HPCAL1: variants seen among roughly 807,000 people sequenced by gnomAD.
The protein encoded by HPCAL1 is hippocalcin like 1.
A neutral mutation model predicts 17.1 loss-of-function variants in HPCAL1; 8 were observed. The observed-to-expected ratio is 0.47, with a 90% confidence interval of 0.27 to 0.84. The LOEUF (loss-of-function observed/expected upper bound fraction) is 0.84, where lower values mean the gene tolerates loss of function less well. HPCAL1 is among the 40% of genes least tolerant of loss of function. The pLI is 0.13. For synonymous variants in HPCAL1, 112 were observed against 111.4 expected (o/e 1.01, Z -0.03); for missense variants, 165 against 271.1 (o/e 0.61, Z 2.75).
At position 10,362,900 on chromosome 2, in the gene HPCAL1, G is replaced by C. The variant is rs1309280517; in HGVS notation, c.-110-33935G>C. Among the ~76,000 whole-genome samples, 1 of 152,200 alleles carries C rather than the reference G, an allele frequency of 6.6e-6. No homozygotes were observed. Among genetic ancestry groups the C allele is most frequent in the Admixed American group, 6.5e-5 (1 of 15,286 alleles). On this transcript the variant is annotated intron_variant, in intron 1 of 4. Transcript: ENST00000307845. The surrounding 1 kb of genome is among the most constrained non-coding windows in gnomAD (Gnocchi z 5.0). ...GAGCAGAGGGGGACCTCAGAGGACA[G>C]TCGGACTGGGGAATCCCTGGCCCAG...
At chr2:10,366,210 T>G (rs1666841576) in intron 1 of HPCAL1, among the ~76,000 whole-genome samples, 1 of 152,122 alleles carries the variant, frequency 6.6e-6, no homozygotes, top group Non-Finnish European at 1.5e-5. Context: ...AGGAGCAAAG[T>G]CTCATAATTT....
chr2:10,345,264 C>A (rs545044370), intron 1 of HPCAL1, among the ~76,000 whole-genome samples: 20 of 152,110 alleles, frequency 1.3e-4, no homozygotes, highest in Non-Finnish European at 2.6e-4. Context: ...ACTAGAGGAA[C>A]CTTTTTCCCA....
rs55678486 is a variant in HPCAL1 at position 10,395,113 on chromosome 2, AACACACACACACACACAC to A, written c.-110-1693_-110-1676del. ...TGTCCAGCCTAAAATCTATCTTTAA[AACACACACACACACACAC>A]ACACACACACACACACACACACACA... On this transcript the variant is annotated intron_variant, in intron 1 of 4. Transcript: ENST00000307845. This position sits in a 1 kb window ranked among gnomAD's most constrained non-coding sequence, Gnocchi z 4.4. 7.7e-4 allele frequency among the ~76,000 whole-genome samples: 107 copies of A among 138,458 alleles called. No homozygotes were observed. The highest frequency in any genetic ancestry group is 8.1e-4 in the Admixed American group (11 of 13,642). The allele number at this position is 138,458 out of a possible 152,430, so 90.8% of individuals were successfully genotyped here.
intron 2 of HPCAL1, among the ~76,000 whole-genome samples, chr2:10,415,553 C>T (rs1670606245): frequency 6.6e-6 from 1 of 152,314 alleles, no homozygotes; most frequent in Middle Eastern, 3.4e-3. Context: ...TGTCGGCCCC[C>T]GAGGCAAGGA....
rs1163240863 is a variant in HPCAL1 at position 10,394,044 on chromosome 2, G to A, written c.-110-2791G>A. Among the ~76,000 whole-genome samples the A allele has an allele frequency of 1.3e-5, 2 of 152,054 alleles. No individual in the cohort carries two copies. The highest frequency in any genetic ancestry group is 2.9e-5 in the Non-Finnish European group (2 of 68,010). On this transcript the variant is annotated intron_variant, in intron 1 of 4. Coordinates refer to ENST00000307845, the MANE Select transcript of HPCAL1 (RefSeq NM_002149.4). The surrounding 1 kb of genome is among the most constrained non-coding windows in gnomAD (Gnocchi z 5.0). ...GCTGGAGGATTGCTTGAGCCTGGGA[G>A]GTTGAGGCTGCAGTGAGCTTTGATT... is the stretch of plus-strand genomic sequence containing the variant.
chr2:10,360,042 G>C (rs1666425531), intron 1 of HPCAL1, among the ~76,000 whole-genome samples: 1 of 152,130 alleles, frequency 6.6e-6, no homozygotes, highest in African/African-American at 2.4e-5. Context: ...CCCAGCACGG[G>C]CTCCTGGCGC....
intron 1 of HPCAL1, among the ~76,000 whole-genome samples, chr2:10,321,448 T>C (rs1452504847): frequency 6.6e-6 from 1 of 152,044 alleles, no homozygotes. Context: ...GTTGTTGTTG[T>C]TGTTGTTTTA....
Position 10,310,865 on chromosome 2 carries a change from T to TTAAACA in HPCAL1, c.-111+7688_-111+7689insTAAACA, listed in dbSNP as rs1662912702. Among the ~76,000 whole-genome samples the TTAAACA allele has an allele frequency of 6.6e-6, 1 of 152,186 alleles. No individual in the cohort carries two copies. The highest frequency in any genetic ancestry group is 6.5e-5 in the Admixed American group (1 of 15,282). ...TGCTCAGCTCTCTGCCTTCTTTCTG[T>TTAAACA]GCATTTAACAGACGTTTCCAGAAAG... On this transcript the variant is annotated intron_variant, in intron 1 of 4. Transcript: ENST00000307845. This position sits in a 1 kb window ranked among gnomAD's most constrained non-coding sequence, Gnocchi z 4.5.
rs983191481 is a variant in HPCAL1 at position 10,363,701 on chromosome 2, C to T, written c.-110-33134C>T. On this transcript the variant is annotated intron_variant, in intron 1 of 4. Transcript: ENST00000307845. This position sits in a 1 kb window ranked among gnomAD's most constrained non-coding sequence, Gnocchi z 4.7. ...AGGAATCTGCATTTTAAACAAGCTC[C>T]GGAGGTGGCTCTGAGGCCAGCCACA... Among the ~76,000 whole-genome samples the T allele has an allele frequency of 4.6e-5, 7 of 152,146 alleles. No individual in the cohort carries two copies. Among genetic ancestry groups the T allele is most frequent in the African/African-American group, 1.7e-4 (7 of 41,410 alleles).
intron 1 of HPCAL1, among the ~76,000 whole-genome samples, chr2:10,311,313 T>C (rs1662947515): frequency 1.3e-5 from 2 of 152,220 alleles, no homozygotes; most frequent in Admixed American, 1.3e-4. Flanking sequence ...CCGTGGCTTC[T>C]CTGTGTCTTT....
In HPCAL1 at chr2:10,309,240, C is replaced by G. The variant is rs549435253; in HGVS notation, c.-111+6063C>G. ...GTGGAGACGAGGTCTTGCTATGTTG[C>G]CCAGACTGGTCTTGAGCTCCCGGGC... On this transcript the variant is annotated intron_variant, in intron 1 of 4. Transcript: ENST00000307845. Among the ~76,000 whole-genome samples the G allele has an allele frequency of 3.4e-4, 52 of 152,206 alleles. 1 individual carries two copies. The highest frequency in any genetic ancestry group is 9.8e-4 in the Admixed American group (15 of 15,276).
rs1176354560 is a variant in HPCAL1 at position 10,416,326 on chromosome 2, T to G, written c.-24-3408T>G. On this transcript the variant is annotated intron_variant, in intron 2 of 4. Transcript: ENST00000307845. The stretch of plus-strand genomic sequence containing the variant: ...GAGCGATGCCCTGGGCACTGTGCAG[T>G]TCTGGGGGACACAGCCCTGACAGCC... 2.6e-5 allele frequency among the ~76,000 whole-genome samples: 4 copies of G among 152,324 alleles called. No homozygotes were observed. The East Asian group carries it at 7.7e-4, about 29-fold the overall frequency.
At chr2:10,403,910 G>A (rs1669802445) in intron 2 of HPCAL1, among the ~76,000 whole-genome samples, 1 of 152,158 alleles carries the variant, frequency 6.6e-6, no homozygotes, top group South Asian at 2.1e-4. Context: ...TACCATTCAA[G>A]TAATTGGTCT....
At position 10,377,987 on chromosome 2, in the gene HPCAL1, C is replaced by T. The variant is rs927592262; in HGVS notation, c.-110-18848C>T. 5.9e-5 allele frequency among the ~76,000 whole-genome samples: 9 copies of T among 152,126 alleles called. No homozygotes were observed. The highest frequency in any genetic ancestry group is 5.9e-4 in the Admixed American group (9 of 15,274). The stretch of plus-strand genomic sequence containing the variant: ...AGGCGTTTCGACTTTGGACTGAAGG[C>T]CTTAATTGACCAAGGCGGTAATTTC... On this transcript the variant is annotated intron_variant, in intron 1 of 4. Transcript: ENST00000307845. The surrounding 1 kb of genome is among the most constrained non-coding windows in gnomAD (Gnocchi z 5.9).
In HPCAL1 at chr2:10,395,143, C is replaced by T. The variant is rs1343359638; in HGVS notation, c.-110-1692C>T. ...ACACACACACACACACACACACACA[C>T]ACACACACACACACACTGCTATCTT... On this transcript the variant is annotated intron_variant, in intron 1 of 4. Transcript: ENST00000307845. This position sits in a 1 kb window ranked among gnomAD's most constrained non-coding sequence, Gnocchi z 4.4. 1.5e-5 allele frequency among the ~76,000 whole-genome samples: 2 copies of T among 135,886 alleles called. No homozygotes were observed. Among genetic ancestry groups the T allele is most frequent in the East Asian group, 4.2e-4 (2 of 4,754 alleles). The allele number at this position is 135,886 out of a possible 152,430, so 89.1% of individuals were successfully genotyped here.
intron 2 of HPCAL1, among the ~76,000 whole-genome samples, chr2:10,409,780 T>TC (rs760950897): frequency 0.35 from 19,827 of 56,672 alleles, 2,569 homozygotes; most frequent in South Asian, 0.46. Flanking sequence ...CCTCAGTCTT[T>TC]TTTTTTTTTT....
intron 3 of HPCAL1, among the ~76,000 whole-genome samples, chr2:10,420,758 A>G (rs903559910): frequency 2.0e-5 from 3 of 152,094 alleles, no homozygotes; most frequent in Non-Finnish European, 4.4e-5. Flanking sequence ...ATTTCTAAAA[A>G]TTATATTTTA....
rs1387098683 is a variant in HPCAL1 at position 10,377,010 on chromosome 2, G to A, written c.-110-19825G>A. Among the ~76,000 whole-genome samples, 2 of 151,442 alleles carry A rather than the reference G, an allele frequency of 1.3e-5. No individual in the cohort carries two copies. Among genetic ancestry groups the A allele is most frequent in the African/African-American group, 4.9e-5 (2 of 41,128 alleles). On this transcript the variant is annotated intron_variant, in intron 1 of 4. Transcript: ENST00000307845. This position sits in a 1 kb window ranked among gnomAD's most constrained non-coding sequence, Gnocchi z 5.9. ...CAATACATACCGTATTGTATTGTGT[G>A]TAGTACAATACATGTATGTAATACA...
In HPCAL1 at chr2:10,310,121, G is replaced by C. The variant is rs1305693366; in HGVS notation, c.-111+6944G>C. ...GGGTTTTAGGCTGAGCTCAGATATT[G>C]ACAGGAACTACAATTCAAACCCAGG... On this transcript the variant is annotated intron_variant, in intron 1 of 4. Transcript: ENST00000307845. This position sits in a 1 kb window ranked among gnomAD's most constrained non-coding sequence, Gnocchi z 4.5. Among the ~76,000 whole-genome samples, 2 of 152,176 alleles carry C rather than the reference G, an allele frequency of 1.3e-5. No homozygotes were observed. Among genetic ancestry groups the C allele is most frequent in the East Asian group, 3.9e-4 (2 of 5,192 alleles).
Sources: allele counts gnomAD v4.1 joint callset (sites outside exome capture counted in the v4.1 genomes callset), GRCh38; gene constraint gnomAD v4.1.1; non-coding constraint Gnocchi (gnomAD v3.1); transcripts MANE v1.5; gene names NCBI Gene and HGNC (gene_info 2026-07-23, HGNC 2026-07-21).